Variants in TSHZ2 observed in about 807,000 individuals in gnomAD.
TSHZ2 encodes the protein teashirt zinc finger homeobox 2.
In TSHZ2, 21 loss-of-function variants were observed where a neutral mutation model predicts 74.4. The observed-to-expected ratio is 0.28, with a 90% CI of 0.20 to 0.41. TSHZ2 has a LOEUF of 0.41. Ranked by LOEUF, TSHZ2 falls within the 10% of genes least tolerant of loss-of-function variation. The probability of loss-of-function intolerance (pLI) is 1.00; values close to 1 mark genes in which losing one functional copy is unlikely to be tolerated. For missense variants in TSHZ2, 1,244 were observed against 1,293.5 expected, an observed-to-expected ratio of 0.96 and a Z score of 0.59; for synonymous variants, 540 against 515.3, an observed-to-expected ratio of 1.05 and a Z score of -0.65.
intron 1 of TSHZ2, among the ~76,000 whole-genome samples, chr20:53,137,495 T>C (rs1295661033): frequency 1.3e-5 from 2 of 152,128 alleles, no homozygotes; most frequent in African/African-American, 4.8e-5. Context: ...TGTCAGGAAC[T>C]GCCCCTCCAT....
At chr20:53,131,521 G>C (rs1834726513) in intron 1 of TSHZ2, among the ~76,000 whole-genome samples, 1 of 152,222 alleles carries the variant, frequency 6.6e-6, no homozygotes, top group Non-Finnish European at 1.5e-5. Flanking sequence ...CCCATCATTA[G>C]AGATGGCTTC....
At chr20:53,480,777 G>T (rs947916627) in intron 2 of TSHZ2, among the ~76,000 whole-genome samples, 1 of 152,072 alleles carries the variant, frequency 6.6e-6, no homozygotes, top group South Asian at 2.1e-4. Flanking sequence ...AAGAGAGAAG[G>T]GGGTAGGCAG....
intron 2 of TSHZ2, among the ~76,000 whole-genome samples, chr20:53,406,551 C>T (rs904281432): frequency 1.3e-5 from 2 of 152,094 alleles, no homozygotes; most frequent in African/African-American, 2.4e-5. Flanking sequence ...GGCAGGTGGA[C>T]AAGCAAGGGC....
chr20:53,304,974 C>T (rs1245474175), intron 2 of TSHZ2, among the ~76,000 whole-genome samples: 4 of 142,220 alleles, frequency 2.8e-5, no homozygotes, highest in Non-Finnish European at 6.0e-5. Context: ...CTTGCTCTGT[C>T]GCCCAGGCTG....
intron 1 of TSHZ2, among the ~76,000 whole-genome samples, chr20:53,229,244 AC>A (rs1273013073): frequency 6.6e-6 from 1 of 152,008 alleles, no homozygotes; most frequent in Non-Finnish European, 1.5e-5. Context: ...CAATAGCCCC[AC>A]CCCCTAGAGG....
At chr20:53,209,446 A>T (rs1257635253) in intron 1 of TSHZ2, among the ~76,000 whole-genome samples, 1 of 152,208 alleles carries the variant, frequency 6.6e-6, no homozygotes, top group East Asian at 1.9e-4. Context: ...TGCAGTGCAG[A>T]GGGACTCATG....
At chr20:53,106,088 G>T (rs954255042) in intron 1 of TSHZ2, among the ~76,000 whole-genome samples, 1 of 152,086 alleles carries the variant, frequency 6.6e-6, no homozygotes, top group African/African-American at 2.4e-5. Context: ...AATATTGTGG[G>T]AGGAGAACCT....
At chr20:53,409,850 T>C (rs1221784830) in intron 2 of TSHZ2, among the ~76,000 whole-genome samples, 1 of 134,522 alleles carries the variant, frequency 7.4e-6, no homozygotes, top group African/African-American at 2.8e-5. Flanking sequence ...TTTTTTTTTT[T>C]TTTTTTTTTT....
chr20:53,371,853 C>T (rs1193078003), intron 2 of TSHZ2, among the ~76,000 whole-genome samples: 4 of 143,038 alleles, frequency 2.8e-5, no homozygotes. Flanking sequence ...CCAATCTGGA[C>T]TACAGAGAGA....
intron 1 of TSHZ2, among the ~76,000 whole-genome samples, chr20:53,085,364 CAAAA>C (rs531297291): frequency 5.9e-5 from 9 of 151,796 alleles, no homozygotes; most frequent in African/African-American, 1.9e-4. Flanking sequence ...AACTCCATCT[CAAAA>C]AGAAAGAGAG....
At chr20:53,084,801 T>G (rs1471104637) in intron 1 of TSHZ2, among the ~76,000 whole-genome samples, 2 of 151,566 alleles carry the variant, frequency 1.3e-5, no homozygotes, top group African/African-American at 4.9e-5. Flanking sequence ...TTCATACTTT[T>G]TTATGCAAGT....
At chr20:53,345,194 TGTGGATATGGAGCA>T (rs1980388884) in intron 2 of TSHZ2, among the ~76,000 whole-genome samples, 2 of 152,192 alleles carry the variant, frequency 1.3e-5, no homozygotes, top group African/African-American at 4.8e-5. Flanking sequence ...TGTGTGTTTT[TGTGGATATGGAGCA>T]GGGCAGAGAG....
intron 2 of TSHZ2, among the ~76,000 whole-genome samples, chr20:53,408,362 TC>T (rs1201992134): frequency 2.0e-5 from 3 of 152,218 alleles, no homozygotes; most frequent in Non-Finnish European, 4.4e-5. Flanking sequence ...AGACACAGCA[TC>T]TTTTGTGTGG....
intron 2 of TSHZ2, among the ~76,000 whole-genome samples, chr20:53,268,676 T>C (rs1990767514): frequency 6.6e-6 from 1 of 151,948 alleles, no homozygotes; most frequent in Non-Finnish European, 1.5e-5. Flanking sequence ...CTTGGATGGC[T>C]ATTTAATTTC....
At chr20:53,039,375 C>A (rs6068436) in intron 1 of TSHZ2, among the ~76,000 whole-genome samples, 3 of 151,934 alleles carry the variant, frequency 2.0e-5, no homozygotes, top group Middle Eastern at 6.8e-3. Context: ...AGTGTCAGTA[C>A]CTTTTTCTCT....
At chr20:53,376,219 T>C (rs1373950606) in intron 2 of TSHZ2, among the ~76,000 whole-genome samples, 1 of 152,204 alleles carries the variant, frequency 6.6e-6, no homozygotes, top group Non-Finnish European at 1.5e-5. Flanking sequence ...TGTCATGTCA[T>C]GCATAGGGTG....
At chr20:53,139,604 C>T (rs1254830500) in intron 1 of TSHZ2, among the ~76,000 whole-genome samples, 1 of 152,176 alleles carries the variant, frequency 6.6e-6, no homozygotes, top group Non-Finnish European at 1.5e-5. Context: ...TTTTAAGTGG[C>T]AGTGATCAAA....
At chr20:53,324,535 G>T (rs576366472) in intron 2 of TSHZ2, among the ~76,000 whole-genome samples, 1 of 151,990 alleles carries the variant, frequency 6.6e-6, no homozygotes, top group Non-Finnish European at 1.5e-5. Flanking sequence ...GCATCACTAT[G>T]TCTAACTCTT....
intron 1 of TSHZ2, among the ~76,000 whole-genome samples, chr20:53,186,487 G>A (rs954362030): frequency 6.6e-6 from 1 of 152,156 alleles, no homozygotes; most frequent in Admixed American, 6.5e-5. Flanking sequence ...ATAGTTTGAG[G>A]GTTTGGGGTC....
Sources: gnomAD v4.1 joint callset for allele counts (sites outside exome capture counted in the v4.1 genomes callset) on GRCh38, gnomAD v4.1.1 for gene constraint, MANE v1.5 for transcripts, NCBI Gene and HGNC (gene_info 2026-07-23, HGNC 2026-07-21) for gene names.